The following VPS13B variants were observed in gnomAD, a reference collection of about 807,000 sequenced individuals.
VPS13B encodes the protein vacuolar protein sorting 13 homolog B.
VPS13B carries 285 observed loss-of-function variants against 426.4 expected under a neutral mutation model. The ratio of observed to expected loss-of-function variants is 0.67; its 90% CI spans 0.61 to 0.74. The LOEUF is 0.74. Among genes scored for constraint, VPS13B ranks in the 30% least tolerant of loss-of-function variants. VPS13B has a pLI of 0.00. For synonymous variants in VPS13B, 1,676 were observed against 1,676.4 expected (o/e 1.00, Z 0.01); for missense variants, 4,537 against 4,782.6 (o/e 0.95, Z 1.51).
At chr8:99,228,770 G>A (rs1816159390) in intron 17 of VPS13B, among the ~76,000 whole-genome samples, 1 of 152,074 alleles carries the variant, frequency 6.6e-6, no homozygotes, top group Non-Finnish European at 1.5e-5. Flanking sequence ...TCCTTTAATA[G>A]GGAAACAGAT....
chr8:99,654,493 G>A (rs1270199437), intron 34 of VPS13B, among the ~76,000 whole-genome samples: 1 of 152,144 alleles, frequency 6.6e-6, no homozygotes, highest in African/African-American at 2.4e-5. Context: ...AGATCAAAAA[G>A]TAAATATAGA....
At chr8:99,493,306 G>A (rs1041288185) in intron 25 of VPS13B, among the ~76,000 whole-genome samples, 1 of 152,058 alleles carries the variant, frequency 6.6e-6, no homozygotes, top group Non-Finnish European at 1.5e-5. Context: ...CTTTATAAAT[G>A]AGTTAGCAAG....
At chr8:99,270,131 C>A (rs928757083) in intron 17 of VPS13B, among the ~76,000 whole-genome samples, 133 of 30,316 alleles carry the variant, frequency 4.4e-3, no homozygotes, top group African/African-American at 0.013. Flanking sequence ...ATATAAGAAT[C>A]TTTTTTTTTT....
intron 33 of VPS13B, among the ~76,000 whole-genome samples, chr8:99,631,102 T>C (rs1828826918): frequency 1.3e-5 from 2 of 152,156 alleles, no homozygotes; most frequent in Non-Finnish European, 2.9e-5. Flanking sequence ...TAGTAGCAAT[T>C]AGAAATACAG....
At chr8:99,292,276 A>G (rs1819778634) in intron 19 of VPS13B, among the ~76,000 whole-genome samples, 1 of 152,280 alleles carries the variant, frequency 6.6e-6, no homozygotes, top group African/African-American at 2.4e-5. Context: ...TTTAGAGTGA[A>G]ACATCTTTAT....
intron 3 of VPS13B, among the ~76,000 whole-genome samples, chr8:99,040,051 G>A (rs1018408758): frequency 6.6e-5 from 10 of 151,188 alleles, no homozygotes; most frequent in Admixed American, 3.3e-4. Flanking sequence ...TCAAAGTCTG[G>A]ACTTGGTTAT....
rs35543295 is a variant in VPS13B, at chr8:99,481,592, C to A, written c.3667-7C>A. On this transcript the variant is annotated splice_polypyrimidine_tract_variant and splice_region_variant and intron_variant, in intron 24 of 61. Transcript: ENST00000357162. Reference sequence around the variant, plus strand: ...TTGTTTTCTTTTCTTTTTTCTTATGCTCTCAGGTCCAGCTCTTCTATGAAC... The same window carrying A: ...TTGTTTTCTTTTCTTTTTTCTTATGATCTCAGGTCCAGCTCTTCTATGAAC... 6.2e-7 allele frequency: 1 copy of A among 1,612,996 alleles called. No homozygotes were observed. The highest frequency in any genetic ancestry group is 1.1e-5 in the South Asian group (1 of 91,018).
At chr8:99,408,865 G>A (rs1339033145) in intron 21 of VPS13B, among the ~76,000 whole-genome samples, 3 of 152,126 alleles carry the variant, frequency 2.0e-5, no homozygotes, top group Non-Finnish European at 4.4e-5. Context: ...AGGTAGAATG[G>A]GAACATGGAG....
At chr8:99,403,694 C>A (rs1815175440) in intron 21 of VPS13B, among the ~76,000 whole-genome samples, 2 of 152,138 alleles carry the variant, frequency 1.3e-5, no homozygotes, top group Admixed American at 6.5e-5. Context: ...CATGTATTCA[C>A]CCCTGTGTTC....
intron 17 of VPS13B, among the ~76,000 whole-genome samples, chr8:99,227,784 G>T (rs1816093111): frequency 6.6e-6 from 1 of 152,146 alleles, no homozygotes; most frequent in Non-Finnish European, 1.5e-5. Context: ...ATCCACACAA[G>T]AACTCTTTGT....
At chr8:99,763,613 T>G (rs1811058521) in intron 39 of VPS13B, among the ~76,000 whole-genome samples, 1 of 152,192 alleles carries the variant, frequency 6.6e-6, no homozygotes, top group South Asian at 2.1e-4. Flanking sequence ...TAGGTGGTAT[T>G]CTATTTGGTT....
chr8:99,450,398 T>C (rs1265637364), intron 23 of VPS13B, among the ~76,000 whole-genome samples: 1 of 152,180 alleles, frequency 6.6e-6, no homozygotes, highest in African/African-American at 2.4e-5. Flanking sequence ...CTCTGGTGGT[T>C]ATGAAGACCA....
At chr8:99,144,488 CAAAA>C (rs34556724) in intron 13 of VPS13B, among the ~76,000 whole-genome samples, 5 of 92,012 alleles carry the variant, frequency 5.4e-5, no homozygotes, top group Admixed American at 1.2e-4. Context: ...GACCCTGTTT[CAAAA>C]AAAAAAAAAA....
intron 35 of VPS13B, among the ~76,000 whole-genome samples, chr8:99,685,245 A>G (rs1226627299): frequency 6.6e-6 from 1 of 152,266 alleles, no homozygotes; most frequent in East Asian, 1.9e-4. Flanking sequence ...TGCATATGGA[A>G]TTTGTATTAG....
intron 36 of VPS13B, among the ~76,000 whole-genome samples, chr8:99,707,289 CA>C (rs1042220972): frequency 8.5e-4 from 129 of 152,144 alleles, no homozygotes; most frequent in African/African-American, 2.9e-3. Flanking sequence ...CAAATGAAGG[CA>C]AAAATATTTA....
intron 39 of VPS13B, among the ~76,000 whole-genome samples, chr8:99,766,227 A>T (rs547230480): frequency 6.6e-6 from 1 of 151,612 alleles, no homozygotes; most frequent in East Asian, 1.9e-4. Context: ...TTACAGGTGC[A>T]CGCCACCACA....
intron 55 of VPS13B, among the ~76,000 whole-genome samples, chr8:99,850,517 A>G (rs1409687326): frequency 6.6e-6 from 1 of 152,174 alleles, no homozygotes; most frequent in Non-Finnish European, 1.5e-5. Context: ...TTATTATTTG[A>G]TTTCTGTATT....
intron 3 of VPS13B, among the ~76,000 whole-genome samples, chr8:99,041,657 C>A (rs1266610813): frequency 6.6e-6 from 1 of 152,046 alleles, no homozygotes; most frequent in Non-Finnish European, 1.5e-5. Context: ...ATAGAGACCA[C>A]CCTGGCTAAC....
intron 21 of VPS13B, among the ~76,000 whole-genome samples, chr8:99,406,058 G>C (rs561157808): frequency 6.6e-6 from 1 of 151,982 alleles, no homozygotes; most frequent in Non-Finnish European, 1.5e-5. Flanking sequence ...GATTACAGGC[G>C]TGAGCCACCA....
Sources: allele counts gnomAD v4.1 joint callset (sites outside exome capture counted in the v4.1 genomes callset), GRCh38; gene constraint gnomAD v4.1.1; transcripts MANE v1.5; gene names NCBI Gene and HGNC (gene_info 2026-07-23, HGNC 2026-07-21).